TENM4: variants seen among roughly 807,000 people sequenced by gnomAD.
The protein encoded by TENM4 is teneurin transmembrane protein 4, also known as teneurin-4.
In TENM4, 82 loss-of-function variants were observed where a neutral mutation model predicts 243.3. The observed-to-expected ratio is 0.34, with a 90% CI of 0.28 to 0.40. The LOEUF is 0.40. Among genes scored for constraint, TENM4 ranks in the 10% least tolerant of loss-of-function variants. TENM4 has a pLI of 1.00. For missense variants in TENM4, 3,138 were observed against 3,673.3 expected (o/e 0.85, Z 3.77); for synonymous variants, 1,412 against 1,456.3 (o/e 0.97, Z 0.69).
chr11:78,848,141 TTCCC>T (rs1858446371), intron 12 of TENM4, among the ~76,000 whole-genome samples: 1 of 150,530 alleles, frequency 6.6e-6, no homozygotes, highest in Non-Finnish European at 1.5e-5. Flanking sequence ...CACTCCCTCC[TTCCC>T]TCCCTCCTTT....
chr11:78,846,043 G>A (rs962796274), intron 12 of TENM4, among the ~76,000 whole-genome samples: 8 of 152,130 alleles, frequency 5.3e-5, no homozygotes, highest in Non-Finnish European at 1.0e-4. Context: ...CTCTGACTAC[G>A]AGAGGGTATA....
At chr11:78,923,822 G>A (rs1856497416) in intron 6 of TENM4, among the ~76,000 whole-genome samples, 1 of 144,066 alleles carries the variant, frequency 6.9e-6, no homozygotes, top group Non-Finnish European at 1.5e-5. Context: ...TTACAAGCAT[G>A]AGCCACCATA....
At chr11:79,401,218 A>G (rs1858454635) in intron 1 of TENM4, among the ~76,000 whole-genome samples, 1 of 152,176 alleles carries the variant, frequency 6.6e-6, no homozygotes, top group African/African-American at 2.4e-5. Context: ...AAGAACAAGC[A>G]TGTATTGAGC....
chr11:78,943,504 A>G (rs984017158), intron 6 of TENM4, among the ~76,000 whole-genome samples: 6 of 152,192 alleles, frequency 3.9e-5, no homozygotes, highest in African/African-American at 1.4e-4. Context: ...TTTATATATT[A>G]CTTTCTCTGC....
At chr11:79,017,232 C>T (rs1162485020) in intron 6 of TENM4, among the ~76,000 whole-genome samples, 1 of 152,208 alleles carries the variant, frequency 6.6e-6, no homozygotes, top group African/African-American at 2.4e-5. Context: ...TTAGACATCA[C>T]ACTCTGTGAG....
chr11:79,395,031 A>G (rs577310640), intron 1 of TENM4, among the ~76,000 whole-genome samples: 1 of 152,216 alleles, frequency 6.6e-6, no homozygotes, highest in Non-Finnish European at 1.5e-5. Flanking sequence ...AGCTTCCAGA[A>G]CTGTGAGAAA....
rs560071287 is a variant in TENM4 at position 79,047,327 on chromosome 11, A to G, written c.493+17411T>C. On this transcript the variant is annotated intron_variant, in intron 6 of 33. Transcript: ENST00000278550. Reference sequence around the variant, plus strand: ...TTTCACCCCAGCTTTTGAGCTCTAGATATTGAGTTTCATGAAGACACTGTT... The same window carrying G: ...TTTCACCCCAGCTTTTGAGCTCTAGGTATTGAGTTTCATGAAGACACTGTT... Among the ~76,000 whole-genome samples, 52 of 152,314 alleles carry G rather than the reference A, an allele frequency of 3.4e-4. 1 individual carries two copies. Among genetic ancestry groups the G allele is most frequent in the Admixed American group, 1.1e-3 (17 of 15,292 alleles).
chr11:79,139,993 A>G (rs1862255724), intron 4 of TENM4, among the ~76,000 whole-genome samples: 1 of 151,164 alleles, frequency 6.6e-6, no homozygotes, highest in African/African-American at 2.4e-5. Context: ...CCTAGGTGAC[A>G]GGCATTTCTT....
In TENM4 at chr11:78,805,277, T is replaced by TACCCCCCC; in HGVS notation, c.2179+14_2179+15insGGGGGGGT. On this transcript the variant is annotated intron_variant, in intron 15 of 33. Transcript: ENST00000278550. The stretch of plus-strand genomic sequence containing the variant: ...CCCCTCCCTCTACCCATGCTTCTTC[T>TACCCCCCC]CCCCCTGCATTTACCGATAGAACAG... 3 of 1,402,546 alleles carry TACCCCCCC rather than the reference T, an allele frequency of 2.1e-6. No homozygotes were observed. Among genetic ancestry groups the TACCCCCCC allele is most frequent in the Non-Finnish European group, 1.9e-6 (2 of 1,033,114 alleles). The allele number at this position is 1,402,546 out of a possible 1,614,324, so 86.9% of individuals were successfully genotyped here.
intron 6 of TENM4, among the ~76,000 whole-genome samples, chr11:79,023,452 C>A (rs1418728061): frequency 6.6e-6 from 1 of 151,768 alleles, no homozygotes; most frequent in African/African-American, 2.4e-5. Context: ...ATCCCAACTA[C>A]TCAGGAGGCT....
intron 2 of TENM4, among the ~76,000 whole-genome samples, chr11:79,242,432 C>T (rs1855439416): frequency 6.6e-6 from 1 of 152,170 alleles, no homozygotes; most frequent in Admixed American, 6.5e-5. Context: ...AAATCATCCG[C>T]AATCCTACCA....
intron 6 of TENM4, among the ~76,000 whole-genome samples, chr11:78,967,285 T>C (rs1400318956): frequency 5.9e-5 from 9 of 152,068 alleles, no homozygotes; most frequent in Non-Finnish European, 1.3e-4. Flanking sequence ...GTCTTGCACA[T>C]AGAACGCAGT....
intron 1 of TENM4, among the ~76,000 whole-genome samples, chr11:79,359,518 A>G (rs1238227327): frequency 6.6e-6 from 1 of 152,186 alleles, no homozygotes; most frequent in Admixed American, 6.5e-5. Flanking sequence ...GGTGGTGAAT[A>G]CATGAGGAGG....
chr11:78,885,208 A>G (rs1447324975), intron 9 of TENM4, among the ~76,000 whole-genome samples: 17 of 152,078 alleles, frequency 1.1e-4, no homozygotes, highest in Admixed American at 1.1e-3. Context: ...AACAGCCCCC[A>G]TTGTGTTCTG....
rs184452784 is a variant in TENM4, at chr11:79,204,372, A to T, written c.-163+11436T>A. Among the ~76,000 whole-genome samples, 56 of 152,344 alleles carry T rather than the reference A, an allele frequency of 3.7e-4. 1 individual carries two copies. Among genetic ancestry groups the T allele is most frequent in the African/African-American group, 1.1e-3 (47 of 41,588 alleles). On this transcript the variant is annotated intron_variant, in intron 3 of 33. Transcript: ENST00000278550. ...AACTATAATCCTTCCAAGTAAAAGC[A>T]TCTGGAATTATTATTTTTTATTCAT...
At chr11:79,392,915 G>A (rs1441463869) in intron 1 of TENM4, among the ~76,000 whole-genome samples, 6 of 152,142 alleles carry the variant, frequency 3.9e-5, no homozygotes. Context: ...TCCACATACA[G>A]CAAGGGAGTG....
At chr11:78,939,047 C>T (rs140629244) in intron 6 of TENM4, among the ~76,000 whole-genome samples, 2 of 152,300 alleles carry the variant, frequency 1.3e-5, no homozygotes, top group Non-Finnish European at 2.9e-5. Context: ...ATACAGCTCC[C>T]ATCTGGGGGC....
intron 9 of TENM4, among the ~76,000 whole-genome samples, chr11:78,881,440 C>G (rs970646620): frequency 6.6e-6 from 1 of 152,120 alleles, no homozygotes; most frequent in South Asian, 2.1e-4. Flanking sequence ...ACCGCCATGC[C>G]TCTATTGAAG....
intron 6 of TENM4, among the ~76,000 whole-genome samples, chr11:78,928,062 C>T (rs1037076795): frequency 5.9e-5 from 9 of 152,192 alleles, no homozygotes; most frequent in African/African-American, 1.9e-4. Flanking sequence ...AGACATAGTC[C>T]TGTGGTAGGG....
Sources: gnomAD v4.1 joint callset for allele counts (sites outside exome capture counted in the v4.1 genomes callset) on GRCh38, gnomAD v4.1.1 for gene constraint, MANE v1.5 for transcripts, NCBI Gene and HGNC (gene_info 2026-07-23, HGNC 2026-07-21) for gene names.